PHACTR1: variants seen among roughly 807,000 people sequenced by gnomAD.
PHACTR1 encodes phosphatase and actin regulator 1, also known as RPEL repeat containing 1.
In PHACTR1, 16 loss-of-function variants were observed where a neutral mutation model predicts 69.2. That is an observed-to-expected ratio of 0.23 (90% CI 0.16 to 0.35). The LOEUF (loss-of-function observed/expected upper bound fraction) is 0.35. Ranked by LOEUF, PHACTR1 falls within the 10% of genes least tolerant of loss-of-function variation. PHACTR1 has a pLI of 1.00. For synonymous variants in PHACTR1, 312 were observed against 284.5 expected (o/e 1.10, Z -0.97); for missense variants, 510 against 734.7 (o/e 0.69, Z 3.54).
intron 4 of PHACTR1, among the ~76,000 whole-genome samples, chr6:12,952,425 T>A (rs968321316): frequency 2.0e-5 from 3 of 152,212 alleles, no homozygotes; most frequent in African/African-American, 7.2e-5. Context: ...CTTTTCATTG[T>A]CTCCATAGTG....
chr6:13,177,918 T>C (rs1761617396), intron 6 of PHACTR1, among the ~76,000 whole-genome samples: 2 of 152,262 alleles, frequency 1.3e-5, no homozygotes, highest in Non-Finnish European at 2.9e-5. Flanking sequence ...AGATGATGCA[T>C]GTTGTCATCA....
chr6:12,778,250 C>T (rs1460521885), intron 4 of PHACTR1, among the ~76,000 whole-genome samples: 5 of 152,144 alleles, frequency 3.3e-5, no homozygotes, highest in African/African-American at 4.8e-5. Flanking sequence ...AAAATCCAAA[C>T]AAATTAAAAT....
At chr6:13,165,393 T>C (rs1036847414) in intron 6 of PHACTR1, among the ~76,000 whole-genome samples, 3 of 152,258 alleles carry the variant, frequency 2.0e-5, no homozygotes, top group African/African-American at 4.8e-5. Context: ...AACAAAGTTC[T>C]CCTTGGCTCC....
At chr6:12,862,475 A>C (rs1781039318) in intron 4 of PHACTR1, among the ~76,000 whole-genome samples, 1 of 152,144 alleles carries the variant, frequency 6.6e-6, no homozygotes, top group Non-Finnish European at 1.5e-5. Flanking sequence ...GGTCACCGGC[A>C]TACACTGGGG....
chr6:12,835,751 G>A (rs762549456), intron 4 of PHACTR1, among the ~76,000 whole-genome samples: 28 of 151,956 alleles, frequency 1.8e-4, no homozygotes, highest in Admixed American at 4.6e-4. Context: ...GTTTTATTTC[G>A]ATTTTGCTGA....
At chr6:12,916,579 A>G (rs1258047396) in intron 4 of PHACTR1, among the ~76,000 whole-genome samples, 1 of 147,598 alleles carries the variant, frequency 6.8e-6, no homozygotes, top group Non-Finnish European at 1.5e-5. Context: ...CCCAGCACCT[A>G]GTACAGAGTA....
At chr6:13,234,347 T>C (rs966117632) in intron 10 of PHACTR1, among the ~76,000 whole-genome samples, 4 of 152,234 alleles carry the variant, frequency 2.6e-5, no homozygotes, top group African/African-American at 7.2e-5. Context: ...ACTAAAAGAA[T>C]GTAGACATGT....
intron 5 of PHACTR1, among the ~76,000 whole-genome samples, chr6:13,121,412 C>G (rs1818711658): frequency 6.6e-6 from 1 of 152,086 alleles, no homozygotes; most frequent in Non-Finnish European, 1.5e-5. Flanking sequence ...TATAGTACTT[C>G]CTTCAGATAG....
At chr6:13,003,954 T>TATATATATATGTATATATATATATACAC (rs1320699653) in intron 4 of PHACTR1, among the ~76,000 whole-genome samples, 9 of 103,778 alleles carry the variant, frequency 8.7e-5, no homozygotes, top group East Asian at 6.2e-4. Context: ...AGTATTCCTA[T>TATATATATATGTATATATATATATACAC]ATATATATAT....
intron 13 of PHACTR1, among the ~76,000 whole-genome samples, chr6:13,285,045 G>A (rs1781364744): frequency 6.6e-6 from 1 of 152,182 alleles, no homozygotes; most frequent in Non-Finnish European, 1.5e-5. Context: ...ATACGAAGAG[G>A]AAGGGGCTTT....
intron 4 of PHACTR1, among the ~76,000 whole-genome samples, chr6:12,852,413 G>A (rs1359558704): frequency 1.3e-5 from 2 of 152,146 alleles, no homozygotes; most frequent in African/African-American, 4.8e-5. Context: ...GAAATATGGA[G>A]GAAGGCAGAA....
chr6:13,125,864 A>T (rs550226725), intron 5 of PHACTR1, among the ~76,000 whole-genome samples: 1 of 152,166 alleles, frequency 6.6e-6, no homozygotes, highest in South Asian at 2.1e-4. Context: ...TGGGAAGTTG[A>T]GGCTGCAGTG....
rs575228078 is a variant in PHACTR1 at position 12,810,773 on chromosome 6, T to G, written c.250+60983T>G. Among the ~76,000 whole-genome samples the G allele has an allele frequency of 2.6e-5, 4 of 152,330 alleles. No homozygotes were observed. In the South Asian group the frequency reaches 8.3e-4, roughly 32 times the overall value. On this transcript the variant is annotated intron_variant, in intron 4 of 14. Transcript: ENST00000332995. Reference sequence around the variant, plus strand: ...TACCAACTACCTCCATGTGTCTATCTCCTTTCTCCTTTGGCTCCTTTCTGC... The same window carrying G: ...TACCAACTACCTCCATGTGTCTATCGCCTTTCTCCTTTGGCTCCTTTCTGC...
intron 4 of PHACTR1, among the ~76,000 whole-genome samples, chr6:13,016,625 C>CT (rs1800214461): frequency 6.6e-6 from 1 of 150,514 alleles, no homozygotes; most frequent in Admixed American, 6.6e-5. Context: ...TATCTTTTTA[C>CT]TCAAGAGTTT....
At chr6:13,197,809 T>G (rs952559242) in intron 7 of PHACTR1, among the ~76,000 whole-genome samples, 8 of 152,192 alleles carry the variant, frequency 5.3e-5, no homozygotes, top group Admixed American at 4.6e-4. Context: ...AGAGCAGTGC[T>G]GGGATAATCT....
intron 4 of PHACTR1, among the ~76,000 whole-genome samples, chr6:12,798,039 GACACAC>G (rs10529531): frequency 1.2e-4 from 17 of 137,876 alleles, no homozygotes; most frequent in African/African-American, 2.8e-4. Flanking sequence ...TCATTTCCTA[GACACAC>G]ACACACACAC....
intron 5 of PHACTR1, among the ~76,000 whole-genome samples, chr6:13,124,483 T>C (rs547689655): frequency 1.4e-4 from 22 of 152,350 alleles, no homozygotes; most frequent in African/African-American, 5.1e-4. Flanking sequence ...GGTCATTTTA[T>C]TGTTCCTTCA....
At chr6:12,958,099 A>G in intron 4 of PHACTR1, 19 of 867,236 alleles carry the variant, frequency 2.2e-5, no homozygotes, top group Non-Finnish European at 2.5e-5. Context: ...TGGATTTTGT[A>G]TTGGTTTTAT....
intron 4 of PHACTR1, among the ~76,000 whole-genome samples, chr6:12,892,780 G>A (rs1197743295): frequency 1.3e-5 from 2 of 152,230 alleles, no homozygotes; most frequent in African/African-American, 4.8e-5. Context: ...AACACACAAT[G>A]TGGAGTAAAG....
Sources: allele counts gnomAD v4.1 joint callset (sites outside exome capture counted in the v4.1 genomes callset), GRCh38; gene constraint gnomAD v4.1.1; transcripts MANE v1.5; gene names NCBI Gene and HGNC (gene_info 2026-07-23, HGNC 2026-07-21).